The following SGMS1 variants were observed in gnomAD, a reference collection of about 807,000 sequenced individuals.
SGMS1 encodes phosphatidylcholine:ceramide cholinephosphotransferase 1.
SGMS1 carries 13 observed loss-of-function variants against 46.2 expected under a neutral mutation model. The observed-to-expected ratio is 0.28, with a 90% CI of 0.18 to 0.45. The LOEUF (loss-of-function observed/expected upper bound fraction) is 0.45. SGMS1 is among the 20% of genes least tolerant of loss of function. SGMS1 has a pLI of 1.00. For missense variants in SGMS1, 324 were observed against 519.9 expected (o/e 0.62, Z 3.66); for synonymous variants, 203 against 187.8 (o/e 1.08, Z -0.66).
At chr10:50,599,272 A>T (rs528221083) in intron 1 of SGMS1, among the ~76,000 whole-genome samples, 1 of 152,362 alleles carries the variant, frequency 6.6e-6, no homozygotes, top group African/African-American at 2.4e-5. Flanking sequence ...TGTTGTCTGC[A>T]TATCTTGGTT....
intron 3 of SGMS1, among the ~76,000 whole-genome samples, chr10:50,484,215 C>G: frequency 6.6e-6 from 1 of 152,036 alleles, no homozygotes. Flanking sequence ...AAGGGAATAT[C>G]ACCACTGACC....
intron 5 of SGMS1, among the ~76,000 whole-genome samples, chr10:50,448,473 G>A (rs941542877): frequency 6.6e-6 from 1 of 152,018 alleles, no homozygotes; most frequent in Admixed American, 6.6e-5. Context: ...GGCCAGGCAC[G>A]GTGACTCACT....
intron 1 of SGMS1, among the ~76,000 whole-genome samples, chr10:50,619,723 C>T (rs1229531254): frequency 1.3e-5 from 2 of 152,326 alleles, no homozygotes; most frequent in Middle Eastern, 3.4e-3. Context: ...ATGGTTGCTT[C>T]AGTTAAAGCC....
chr10:50,555,533 C>A (rs1239802873), intron 2 of SGMS1, among the ~76,000 whole-genome samples: 1 of 152,182 alleles, frequency 6.6e-6, no homozygotes, highest in Non-Finnish European at 1.5e-5. Flanking sequence ...CGGTTGAGGC[C>A]TCTGCTTCAA....
At chr10:50,394,015 C>T (rs1848810305) in intron 6 of SGMS1, among the ~76,000 whole-genome samples, 1 of 152,144 alleles carries the variant, frequency 6.6e-6, no homozygotes, top group African/African-American at 2.4e-5. Context: ...TATATAGATA[C>T]CACAAAAGGA....
At chr10:50,603,259 G>A (rs759343707) in intron 1 of SGMS1, among the ~76,000 whole-genome samples, 9 of 152,228 alleles carry the variant, frequency 5.9e-5, no homozygotes, top group Non-Finnish European at 1.0e-4. Context: ...AACAACTTAA[G>A]TAATTTCCTC....
rs1359001988 is a variant in SGMS1 at position 50,609,494 on chromosome 10, T to C, written c.-684+14213A>G. On this transcript the variant is annotated intron_variant, in intron 1 of 10. Transcript: ENST00000361781. ...ACTCCACAGGGTACCTGGCCCATAG[T>C]AGGGCCCAACCAGTACCTTCTCAAT... Among the ~76,000 whole-genome samples, 3 of 148,570 alleles carry C rather than the reference T, an allele frequency of 2.0e-5. No homozygotes were observed. The East Asian group carries it at 6.1e-4, about 30-fold the overall frequency.
chr10:50,517,873 C>T (rs548367485), intron 3 of SGMS1, among the ~76,000 whole-genome samples: 54 of 151,996 alleles, frequency 3.6e-4, no homozygotes, highest in Non-Finnish European at 6.5e-4. Context: ...ACAGTATGTT[C>T]ACAACACTGG....
At chr10:50,407,912 A>G (rs1849039483) in intron 6 of SGMS1, among the ~76,000 whole-genome samples, 1 of 152,184 alleles carries the variant, frequency 6.6e-6, no homozygotes, top group Non-Finnish European at 1.5e-5. Context: ...TTTTGGCTGA[A>G]TCATTTTCCC....
At chr10:50,352,383 C>T (rs557928337) in intron 6 of SGMS1, among the ~76,000 whole-genome samples, 1 of 152,184 alleles carries the variant, frequency 6.6e-6, no homozygotes, top group East Asian at 1.9e-4. Flanking sequence ...AGAACTGCCA[C>T]CATCCCCAGA....
chr10:50,367,862 C>T lies in SGMS1; in HGVS notation c.-231-23517G>A, dbSNP rs1848372568. Among the ~76,000 whole-genome samples, 6 of 152,138 alleles carry T rather than the reference C, an allele frequency of 3.9e-5. No homozygotes were observed. In the South Asian group the frequency reaches 1.2e-3, roughly 32 times the overall value. ...GGCTCCCTAGAGGATAATCCTTATC[C>T]ATGAAGTAGGTCACCACTGGATCAC... On this transcript the variant is annotated intron_variant, in intron 6 of 10. Transcript: ENST00000361781.
intron 1 of SGMS1, among the ~76,000 whole-genome samples, chr10:50,617,074 T>C (rs1290924782): frequency 1.3e-5 from 2 of 151,910 alleles, no homozygotes; most frequent in South Asian, 4.2e-4. Context: ...ATAAAAAAAA[T>C]TGGGGGGGCA....
At chr10:50,345,170 G>T (rs903961864) in intron 6 of SGMS1, among the ~76,000 whole-genome samples, 1 of 151,444 alleles carries the variant, frequency 6.6e-6, no homozygotes, top group Non-Finnish European at 1.5e-5. Context: ...ATGTGCTTAG[G>T]TCCCAAATAG....
chr10:50,373,747 C>T (rs1444130668), intron 6 of SGMS1, among the ~76,000 whole-genome samples: 2 of 152,134 alleles, frequency 1.3e-5, no homozygotes, highest in African/African-American at 4.8e-5. Flanking sequence ...TCTGTCAGTA[C>T]AAGAGGTAAA....
Position 50,539,090 on chromosome 10 carries a change from GGGC to G in SGMS1, c.-588-19172_-588-19170del, listed in dbSNP as rs1838029476. Among the ~76,000 whole-genome samples the G allele has an allele frequency of 2.6e-5, 4 of 152,380 alleles. No homozygotes were observed. The South Asian group carries it at 8.3e-4, about 32-fold the overall frequency. On this transcript the variant is annotated intron_variant, in intron 2 of 10. Coordinates refer to ENST00000361781, the MANE Select transcript of SGMS1 (RefSeq NM_147156.4). The stretch of plus-strand genomic sequence containing the variant: ...TTCTTGCCATGTGGGCATCCAGGGA[GGGC>G]AGAACAGTGACAGCCCTGGTGAGCA...
At chr10:50,378,848 G>A (rs373556477) in intron 6 of SGMS1, among the ~76,000 whole-genome samples, 42 of 152,228 alleles carry the variant, frequency 2.8e-4, no homozygotes, top group African/African-American at 9.1e-4. Flanking sequence ...AAAATGACAG[G>A]ACAATGCACT....
intron 8 of SGMS1, among the ~76,000 whole-genome samples, chr10:50,318,159 C>T (rs1462271196): frequency 6.6e-6 from 1 of 152,108 alleles, no homozygotes; most frequent in Non-Finnish European, 1.5e-5. Flanking sequence ...CATTTTCTGC[C>T]TTCTCTCTTC....
upstream of SGMS1, chr10:50,624,552 G>T (rs1357908637): frequency 2.0e-6 from 2 of 978,030 alleles, no homozygotes; most frequent in Non-Finnish European, 2.4e-6. Flanking sequence ...AGCTCTAACC[G>T]CGCGAGGTGA....
intron 6 of SGMS1, among the ~76,000 whole-genome samples, chr10:50,432,762 T>C (rs1849421114): frequency 6.6e-6 from 1 of 152,184 alleles, no homozygotes; most frequent in African/African-American, 2.4e-5. Flanking sequence ...TTATGAGAGA[T>C]AGTATCAAAT....
Sources: allele counts gnomAD v4.1 joint callset (sites outside exome capture counted in the v4.1 genomes callset), GRCh38; gene constraint gnomAD v4.1.1; transcripts MANE v1.5; gene names NCBI Gene and HGNC (gene_info 2026-07-23, HGNC 2026-07-21).